Variants in DCLRE1C observed in about 807,000 individuals in gnomAD.
The protein encoded by DCLRE1C is DNA cross-link repair 1C, also known as protein artemis.
In DCLRE1C, 47 loss-of-function variants were observed where a neutral mutation model predicts 61.4. The observed-to-expected ratio is 0.77, with a 90% CI of 0.61 to 0.98. DCLRE1C has a LOEUF of 0.98. Among genes scored for constraint, DCLRE1C ranks in the 50% least tolerant of loss-of-function variants. The pLI, the probability that DCLRE1C is intolerant of heterozygous loss-of-function variation, is 0.00. For synonymous variants in DCLRE1C, 337 were observed against 287.6 expected, an observed-to-expected ratio of 1.17 and a Z score of -1.74; for missense variants, 858 against 816.0, an observed-to-expected ratio of 1.05 and a Z score of -0.63.
intron 2 of DCLRE1C, chr10:14,945,681 T>G: frequency 1.8e-6 from 1 of 546,994 alleles, no homozygotes; most frequent in Non-Finnish European, 2.2e-6. Context: ...TTTTTTGAGA[T>G]GGAGTCTTGC....
At chr10:14,936,417 G>C in intron 5 of DCLRE1C, 121 bp downstream of exon 5, 1 of 757,238 alleles carries the variant, frequency 1.3e-6, no homozygotes. Context: ...CAAAGCACTG[G>C]GATTACAGAC....
At chr10:14,951,389 CAAAAAAAAAAAAAAAAAAAAA>C (rs60272216) in intron 1 of DCLRE1C, among the ~76,000 whole-genome samples, 3 of 46,038 alleles carry the variant, frequency 6.5e-5, no homozygotes, top group Non-Finnish European at 8.4e-5. Flanking sequence ...AACCCTGTCT[CAAAAAAAAAAAAAAAAAAAAA>C]AAAAAAAAAA....
At position 14,909,015 on chromosome 10, in the gene DCLRE1C, A is replaced by G; in HGVS notation, c.1472T>C (p.Val491Ala). The change falls in exon 14 of 14, where the codon GTA (valine) becomes GCA (alanine). Residue 491 changes from valine (V) to alanine (A), a missense_variant. Physicochemically the swap from Val to Ala is moderately conservative, Grantham distance 64. Transcript: ENST00000378278. Reference protein sequence around the residue: ...KADGDVPQWEVFFKRNDEITD... With the variant: ...KADGDVPQWEAFFKRNDEITD... ...GATTTCATCATTTCTTTTAAAGAATACTTCCCACTGGGGTACATCCCCATC... is the reference window on the plus strand; with the variant it reads ...GATTTCATCATTTCTTTTAAAGAATGCTTCCCACTGGGGTACATCCCCATC... 1.2e-6 allele frequency: 2 copies of G among 1,614,050 alleles called. No homozygotes were observed. The highest frequency in any genetic ancestry group is 1.7e-6 in the Non-Finnish European group (2 of 1,179,960).
At chr10:14,899,472 A>C in intron 13 of DCLRE1C, 1 of 1,529,126 alleles carries the variant, frequency 6.5e-7, no homozygotes, top group Non-Finnish European at 9.0e-7. Context: ...GCATATTAGT[A>C]GATAGGTAGA....
exon 14 of DCLRE1C, chr10:14,897,576 ATTACCTTTT>A: frequency 1.4e-6 from 2 of 1,382,212 alleles, no homozygotes; most frequent in Non-Finnish European, 1.9e-6. Flanking sequence ...CTTTTGGAAA[ATTACCTTTT>A]TATCTCTTTA....
At chr10:14,909,665 A>G (rs1834921913) in intron 13 of DCLRE1C, among the ~76,000 whole-genome samples, 1 of 152,086 alleles carries the variant, frequency 6.6e-6, no homozygotes, top group African/African-American at 2.4e-5. Flanking sequence ...TCCCTGAGGA[A>G]GATAGGACCA....
At chr10:14,943,927 C>G (rs41296944) in intron 3 of DCLRE1C, among the ~76,000 whole-genome samples, 247 of 152,232 alleles carry the variant, frequency 1.6e-3, no homozygotes, top group African/African-American at 5.6e-3. Flanking sequence ...TATATATAGT[C>G]ATATATAATT....
At chr10:14,899,676 G>A (rs147278353), downstream of DCLRE1C, 1 of 1,613,624 alleles carries the variant, frequency 6.2e-7, no homozygotes, top group Non-Finnish European at 8.5e-7. Flanking sequence ...CTCATTTTGT[G>A]AATCACAGCG....
At chr10:14,922,937 G>A (rs1230542827) in intron 12 of DCLRE1C, 44 bp downstream of exon 12, 1 of 1,386,972 alleles carries the variant, frequency 7.2e-7, no homozygotes, top group Non-Finnish European at 1.0e-6. Context: ...CTAGCCAAGA[G>A]CCACCAAGGG....
At chr10:14,924,589 C>T (rs1837642178) in intron 11 of DCLRE1C, among the ~76,000 whole-genome samples, 1 of 152,168 alleles carries the variant, frequency 6.6e-6, no homozygotes, top group South Asian at 2.1e-4. Flanking sequence ...TGGCTCACAC[C>T]TGTAATTCCA....
At position 14,933,704 on chromosome 10, in the gene DCLRE1C, C is replaced by G. The variant is rs1839406738; in HGVS notation, c.678+676G>C. On this transcript the variant is annotated intron_variant, in intron 8 of 13. Transcript: ENST00000378278. ...ATGATGTACAACAGAGGAGCATGTACTGCAAATAATCCACTGCCATATCTC... is the reference window on the plus strand; with the variant it reads ...ATGATGTACAACAGAGGAGCATGTAGTGCAAATAATCCACTGCCATATCTC... Among the ~76,000 whole-genome samples the G allele has an allele frequency of 2.0e-5, 3 of 152,100 alleles. No homozygotes were observed. In the South Asian group the frequency reaches 6.2e-4, roughly 31 times the overall value.
chr10:14,949,819 C>T (rs868200792), intron 1 of DCLRE1C, among the ~76,000 whole-genome samples: 2 of 152,102 alleles, frequency 1.3e-5, no homozygotes, highest in East Asian at 1.9e-4. Context: ...CCGACGTAGG[C>T]GGATCACCTG....
intron 5 of DCLRE1C, 44 bp downstream of exon 5, chr10:14,936,494 T>C: frequency 6.7e-7 from 1 of 1,486,842 alleles, no homozygotes; most frequent in Non-Finnish European, 9.4e-7. Flanking sequence ...AAATACAATA[T>C]GTGTCTACAT....
chr10:14,897,652 G>T (rs1260881232), exon 14 of DCLRE1C: 1 of 776,042 alleles, frequency 1.3e-6, no homozygotes, highest in Non-Finnish European at 1.8e-6. Context: ...AATTTATTCA[G>T]ATTTAGGAGA....
intron 12 of DCLRE1C, among the ~76,000 whole-genome samples, chr10:14,921,972 C>T (rs1438371288): frequency 1.3e-5 from 2 of 152,220 alleles, no homozygotes; most frequent in African/African-American, 2.4e-5. Context: ...CTGTCCCCAT[C>T]GGGGTCTGCG....
intron 1 of DCLRE1C, among the ~76,000 whole-genome samples, chr10:14,949,564 A>G (rs539298822): frequency 5.0e-4 from 76 of 152,370 alleles, no homozygotes; most frequent in African/African-American, 1.8e-3. Context: ...GCCTACTGTG[A>G]TGGATTGAAA....
chr10:14,936,830 C>G (rs1040046746), intron 4 of DCLRE1C, among the ~76,000 whole-genome samples: 1 of 152,114 alleles, frequency 6.6e-6, no homozygotes, highest in African/African-American at 2.4e-5. Flanking sequence ...AAGCGAAAAC[C>G]GATGGCCACA....
rs1478774298 is a variant in DCLRE1C, at chr10:14,934,783, G to GA, written c.465-9dup. ...CTTTGGATGTCTTTGACTCTGAAAA[G>GA]AAAAAAAATTGATGTTAGCCATCCA... On this transcript the variant is annotated splice_polypyrimidine_tract_variant and intron_variant, in intron 6 of 13. Transcript: ENST00000378278. 1.0e-5 allele frequency: 16 copies of GA among 1,604,684 alleles called. No homozygotes were observed. The highest frequency in any genetic ancestry group is 2.2e-5 in the East Asian group (1 of 44,838).
downstream of DCLRE1C, chr10:14,902,389 T>C: frequency 3.3e-6 from 5 of 1,535,890 alleles, no homozygotes; most frequent in Non-Finnish European, 4.4e-6. Context: ...CCTATATTTC[T>C]TTTTCTGTGT....
Sources: allele counts gnomAD v4.1 joint callset (sites outside exome capture counted in the v4.1 genomes callset), GRCh38; gene constraint gnomAD v4.1.1; transcripts MANE v1.5; gene names NCBI Gene and HGNC (gene_info 2026-07-23, HGNC 2026-07-21).